Variants in ADCY2 observed in about 807,000 individuals in gnomAD.
ADCY2 encodes adenylate cyclase 2, also known as adenylate cyclase type 2.
A neutral mutation model predicts 125.2 loss-of-function variants in ADCY2; 31 were observed. The ratio of observed to expected loss-of-function variants is 0.25; its 90% CI spans 0.19 to 0.33. The LOEUF is 0.33. Among genes scored for constraint, ADCY2 ranks in the 10% least tolerant of loss-of-function variants. The probability of loss-of-function intolerance (pLI) is 1.00; values close to 1 mark genes in which losing one functional copy is unlikely to be tolerated. For missense variants in ADCY2, 904 were observed against 1,418.2 expected, an observed-to-expected ratio of 0.64 and a Z score of 5.82; for synonymous variants, 512 against 548.4, an observed-to-expected ratio of 0.93 and a Z score of 0.93.
chr5:7,503,630 C>A (rs2126507654), intron 2 of ADCY2, among the ~76,000 whole-genome samples: 1 of 152,254 alleles, frequency 6.6e-6, no homozygotes. Context: ...TTTCCTTATC[C>A]ATTAAATAGC....
intron 3 of ADCY2, among the ~76,000 whole-genome samples, chr5:7,555,176 G>C (rs1343905999): frequency 1.3e-5 from 2 of 152,144 alleles, no homozygotes; most frequent in East Asian, 3.9e-4. Context: ...TGTTGAATCT[G>C]CCTGTGGCCT....
chr5:7,707,677 T>C (rs1174625114), intron 8 of ADCY2, 29 bp from the exon 9 acceptor site: 1 of 1,611,266 alleles, frequency 6.2e-7, no homozygotes, highest in South Asian at 1.1e-5. Context: ...CTTTTATGTC[T>C]TGACTGTGAT....
intron 4 of ADCY2, among the ~76,000 whole-genome samples, chr5:7,634,838 C>T (rs1738438871): frequency 6.6e-6 from 1 of 151,936 alleles, no homozygotes; most frequent in African/African-American, 2.4e-5. Context: ...CTTATCAAAT[C>T]CATAATTTCA....
At chr5:7,566,568 A>C (rs1365209624) in intron 3 of ADCY2, among the ~76,000 whole-genome samples, 1 of 152,086 alleles carries the variant, frequency 6.6e-6, no homozygotes, top group Non-Finnish European at 1.5e-5. Context: ...GACACTCCCA[A>C]ACTCTGTTTC....
intron 2 of ADCY2, among the ~76,000 whole-genome samples, chr5:7,459,728 C>T: frequency 6.8e-6 from 1 of 146,314 alleles, no homozygotes; most frequent in East Asian, 2.0e-4. Flanking sequence ...AACATATAAC[C>T]TTAATAAGTC....
chr5:7,714,117 T>TC (rs1397636030), intron 11 of ADCY2, among the ~76,000 whole-genome samples: 4 of 152,206 alleles, frequency 2.6e-5, no homozygotes, highest in Non-Finnish European at 5.9e-5. Context: ...TGAAGCATTA[T>TC]AATTAAGTGG....
At chr5:7,743,626 A>C (rs764332777) in intron 14 of ADCY2, 42 bp from the exon 15 acceptor site, 1 of 1,581,074 alleles carries the variant, frequency 6.3e-7, no homozygotes, top group South Asian at 1.1e-5. Context: ...GAATGAGAGA[A>C]ACGATCTCCA....
chr5:7,518,770 A>G lies in ADCY2; in HGVS notation c.409-1968A>G, dbSNP rs1000685996. On this transcript the variant is annotated intron_variant, in intron 2 of 24. Transcript: ENST00000338316. Reference sequence around the variant, plus strand: ...ACGGCTGGACTCAGAAGAATTAGAGAAGGTGCTCAGAGTCCACCCTGTTGT... The same window carrying G: ...ACGGCTGGACTCAGAAGAATTAGAGGAGGTGCTCAGAGTCCACCCTGTTGT... Among the ~76,000 whole-genome samples, 5 of 152,178 alleles carry G rather than the reference A, an allele frequency of 3.3e-5. No individual in the cohort carries two copies. In the East Asian group the frequency reaches 7.8e-4, roughly 24 times the overall value.
intron 4 of ADCY2, among the ~76,000 whole-genome samples, chr5:7,653,487 G>T (rs1739172315): frequency 6.6e-6 from 1 of 152,098 alleles, no homozygotes; most frequent in East Asian, 1.9e-4. Context: ...GGGCGCCTGT[G>T]GTCCCAGCTA....
intron 3 of ADCY2, among the ~76,000 whole-genome samples, chr5:7,599,509 G>C (rs1226716424): frequency 6.6e-6 from 1 of 152,132 alleles, no homozygotes; most frequent in African/African-American, 2.4e-5. Flanking sequence ...AATTCCTTTT[G>C]TCCATATTCT....
chr5:7,441,431 TAATC>T (rs1741011042), intron 2 of ADCY2, among the ~76,000 whole-genome samples: 1 of 152,048 alleles, frequency 6.6e-6, no homozygotes, highest in Non-Finnish European at 1.5e-5. Context: ...TTTTTTTAAA[TAATC>T]AGTCAATATA....
At chr5:7,415,683 A>G (rs1220356837) in intron 2 of ADCY2, among the ~76,000 whole-genome samples, 2 of 151,986 alleles carry the variant, frequency 1.3e-5, no homozygotes, top group Non-Finnish European at 2.9e-5. Flanking sequence ...TTCATTTTGC[A>G]CCTTTTGAGG....
intron 4 of ADCY2, among the ~76,000 whole-genome samples, chr5:7,645,614 C>T (rs1738868464): frequency 6.6e-6 from 1 of 152,128 alleles, no homozygotes; most frequent in East Asian, 1.9e-4. Flanking sequence ...TTAATTTCTG[C>T]CCAGTAACAA....
chr5:7,435,640 G>C (rs980599495), intron 2 of ADCY2, among the ~76,000 whole-genome samples: 12 of 152,216 alleles, frequency 7.9e-5, no homozygotes, highest in African/African-American at 2.7e-4. Flanking sequence ...AGTAGTTGGA[G>C]AATGTGTTGA....
chr5:7,680,317 GC>G (rs541676489), intron 4 of ADCY2, among the ~76,000 whole-genome samples: 1 of 152,164 alleles, frequency 6.6e-6, no homozygotes, highest in Non-Finnish European at 1.5e-5. Context: ...TTGCACGTCA[GC>G]CCCCCACAGC....
intron 3 of ADCY2, among the ~76,000 whole-genome samples, chr5:7,540,002 A>T (rs1274697913): frequency 6.6e-6 from 1 of 152,004 alleles, no homozygotes; most frequent in Non-Finnish European, 1.5e-5. Flanking sequence ...TTCCAAAACA[A>T]CTCTTTCTCT....
At chr5:7,640,528 A>G (rs187375226) in intron 4 of ADCY2, among the ~76,000 whole-genome samples, 2 of 152,332 alleles carry the variant, frequency 1.3e-5, no homozygotes, top group African/African-American at 4.8e-5. Context: ...CAGATCTCTC[A>G]AAGTTGCTGA....
chr5:7,775,248 C>T (rs927691715), intron 18 of ADCY2, among the ~76,000 whole-genome samples: 14 of 151,362 alleles, frequency 9.2e-5, no homozygotes, highest in Non-Finnish European at 8.8e-5. Context: ...TATACATACA[C>T]GTATATATTT....
intron 24 of ADCY2, among the ~76,000 whole-genome samples, chr5:7,825,877 G>A (rs557907435): frequency 6.6e-5 from 10 of 152,338 alleles, no homozygotes; most frequent in South Asian, 4.1e-4. Flanking sequence ...GTGCATCTCC[G>A]CTGAGGAGGA....
Sources: gnomAD v4.1 joint callset for allele counts (sites outside exome capture counted in the v4.1 genomes callset) on GRCh38, gnomAD v4.1.1 for gene constraint, MANE v1.5 for transcripts, NCBI Gene and HGNC (gene_info 2026-07-23, HGNC 2026-07-21) for gene names.